Variants in EPSTI1 observed in about 807,000 individuals in gnomAD.
EPSTI1 encodes epithelial stromal interaction 1, also known as epithelial-stromal interaction protein 1.
In EPSTI1, 66 loss-of-function variants were observed where a neutral mutation model predicts 49.9. The observed-to-expected ratio is 1.32, with a 90% CI of 1.08 to 1.62. EPSTI1 has a LOEUF of 1.62. Among genes scored for constraint, EPSTI1 ranks in the 40% most tolerant of loss-of-function variants. The probability of loss-of-function intolerance (pLI) is 0.00; values close to 1 mark genes in which losing one functional copy is unlikely to be tolerated. For missense variants in EPSTI1, 394 were observed against 365.5 expected, an observed-to-expected ratio of 1.08 and a Z score of -0.64; for synonymous variants, 137 against 130.7, an observed-to-expected ratio of 1.05 and a Z score of -0.33.
chr13:42,957,852 G>A (rs2039320344), intron 5 of EPSTI1, among the ~76,000 whole-genome samples: 1 of 152,244 alleles, frequency 6.6e-6, no homozygotes, highest in African/African-American at 2.4e-5. Context: ...GGGATTGCAG[G>A]CATGAGCCAC....
rs1290133717 is a variant in EPSTI1, at chr13:42,888,202, A to C, written c.*292T>G. 1.9e-6 allele frequency: 3 copies of C among 1,597,642 alleles called. No individual in the cohort carries two copies. The highest frequency in any genetic ancestry group is 2.2e-5 in the East Asian group (1 of 44,672). ...CTGATTAACCTGAAAGCATCAAGTG[A>C]CTCCCTCTTTTTCTACCCTACCAAC... On this transcript the variant is annotated 3_prime_UTR_variant, in exon 11 of 11. Transcript: ENST00000313624.
intron 5 of EPSTI1, among the ~76,000 whole-genome samples, chr13:42,962,237 C>T (rs1413743562): frequency 6.6e-6 from 1 of 152,108 alleles, no homozygotes; most frequent in African/African-American, 2.4e-5. Flanking sequence ...CAGGAATTAC[C>T]TGGGGAGCTT....
Position 42,917,691 on chromosome 13 carries a change from C to T in EPSTI1, c.658-67G>A. On this transcript the variant is annotated intron_variant, in intron 7 of 10. Transcript: ENST00000313624. ...GATAGGATAAAGGGTTGTCACAGTA[C>T]ACCAAGCTGCCTACTATAGGCCCGG... 2.5e-6 allele frequency: 3 copies of T among 1,199,138 alleles called. No individual in the cohort carries two copies. In the East Asian group the frequency reaches 8.0e-5, roughly 32 times the overall value. The allele number at this position is 1,199,138 out of a possible 1,614,324, so 74.3% of individuals were successfully genotyped here. A position where few individuals can be genotyped will look rare whatever the true frequency, so the allele number is the denominator to read the frequency against.
At chr13:42,981,678 T>C (rs2039989808) in intron 1 of EPSTI1, among the ~76,000 whole-genome samples, 1 of 152,202 alleles carries the variant, frequency 6.6e-6, no homozygotes, top group Non-Finnish European at 1.5e-5. Context: ...GTTTTTTTCT[T>C]TTCATCCACT....
chr13:42,990,132 G>A (rs1351455684), intron 1 of EPSTI1, among the ~76,000 whole-genome samples: 1 of 147,374 alleles, frequency 6.8e-6, no homozygotes, highest in East Asian at 2.0e-4. Context: ...ACCCCTAAAA[G>A]GGAATATATA....
intron 7 of EPSTI1, among the ~76,000 whole-genome samples, chr13:42,923,151 T>C (rs376319617): frequency 2.6e-5 from 4 of 152,220 alleles, no homozygotes; most frequent in African/African-American, 9.6e-5. Context: ...AAGGACTTTG[T>C]GCCTAAGCTA....
chr13:42,905,863 C>A (rs2037483053), intron 8 of EPSTI1, among the ~76,000 whole-genome samples: 1 of 152,164 alleles, frequency 6.6e-6, no homozygotes, highest in African/African-American at 2.4e-5. Context: ...GGAATGCAAA[C>A]AGGAGAAGGG....
intron 1 of EPSTI1, among the ~76,000 whole-genome samples, chr13:42,972,999 G>C (rs891567946): frequency 6.6e-6 from 1 of 152,162 alleles, no homozygotes; most frequent in African/African-American, 2.4e-5. Flanking sequence ...CACGAAATAA[G>C]AATAGTAAGT....
At chr13:42,911,026 A>G (rs2037656263) in intron 8 of EPSTI1, among the ~76,000 whole-genome samples, 1 of 152,230 alleles carries the variant, frequency 6.6e-6, no homozygotes. Context: ...AAAGAGCCAA[A>G]TATTCTTGTC....
intron 6 of EPSTI1, among the ~76,000 whole-genome samples, chr13:42,940,360 A>G (rs1189981390): frequency 6.6e-6 from 1 of 152,200 alleles, no homozygotes; most frequent in Non-Finnish European, 1.5e-5. Context: ...TTGCCTTCCT[A>G]GTACCATTAT....
In EPSTI1 at chr13:42,991,986, G is replaced by A; in HGVS notation, c.180C>T (p.Gly60=). The A allele has an allele frequency of 1.2e-6, 2 of 1,611,968 alleles. No homozygotes were observed. Among genetic ancestry groups the A allele is most frequent in the Non-Finnish European group, 1.7e-6 (2 of 1,179,594 alleles). ...GTTGTTAAAATACTCACCGCCTCTG[G>A]CCCGCGTGCACGACGCTCTCCCGCG... is the stretch of plus-strand genomic sequence containing the variant. ...GPSRESVVHA[G]QRRTSAYTLI... Residue 60 remains glycine, a synonymous_variant, in exon 1 of 11, where the codon GGC becomes GGT. Coordinates refer to ENST00000313624, the MANE Select transcript of EPSTI1 (RefSeq NM_033255.5).
chr13:42,939,553 G>T (rs943151672), intron 6 of EPSTI1, among the ~76,000 whole-genome samples: 5 of 152,210 alleles, frequency 3.3e-5, no homozygotes, highest in Non-Finnish European at 7.3e-5. Flanking sequence ...GAGATAGACA[G>T]GGGAATAGCC....
intron 6 of EPSTI1, among the ~76,000 whole-genome samples, chr13:42,944,219 C>T (rs779008368): frequency 3.9e-5 from 6 of 152,102 alleles, no homozygotes; most frequent in African/African-American, 1.4e-4. Context: ...CACATGCACA[C>T]GTATATTTAT....
intron 7 of EPSTI1, among the ~76,000 whole-genome samples, chr13:42,920,391 G>C (rs1454178604): frequency 6.6e-6 from 1 of 152,126 alleles, no homozygotes; most frequent in Admixed American, 6.5e-5. Context: ...TGAAGACCAA[G>C]TAGATAAAGA....
rs933732758 is a variant in EPSTI1, at chr13:42,916,242, G to A, written c.741+1299C>T. ...TATTTGATTGTAGATTTCAAGATTAGGATCTTGCCAAGACAAAAAGATATT... is the reference window on the plus strand; with the variant it reads ...TATTTGATTGTAGATTTCAAGATTAAGATCTTGCCAAGACAAAAAGATATT... On this transcript the variant is annotated intron_variant, in intron 8 of 10. Coordinates refer to ENST00000313624, the MANE Select transcript of EPSTI1 (RefSeq NM_033255.5). Among the ~76,000 whole-genome samples, 3 of 148,522 alleles carry A rather than the reference G, an allele frequency of 2.0e-5. No individual in the cohort carries two copies. In the South Asian group the frequency reaches 6.5e-4, roughly 32 times the overall value.
intron 9 of EPSTI1, among the ~76,000 whole-genome samples, chr13:42,895,811 C>T (rs527375390): frequency 2.0e-5 from 3 of 152,292 alleles, no homozygotes; most frequent in East Asian, 1.9e-4. Flanking sequence ...AATGGCACTG[C>T]AATAGGTACC....
At chr13:42,968,688 A>C (rs1594747499) in intron 3 of EPSTI1, among the ~76,000 whole-genome samples, 1 of 151,182 alleles carries the variant, frequency 6.6e-6, no homozygotes, top group East Asian at 2.0e-4. Flanking sequence ...CTGACTCTCC[A>C]CTCCTTTTCT....
intron 6 of EPSTI1, among the ~76,000 whole-genome samples, chr13:42,944,573 A>G (rs1012213542): frequency 6.6e-6 from 1 of 152,184 alleles, no homozygotes; most frequent in Non-Finnish European, 1.5e-5. Context: ...AATGTAGATG[A>G]TGAATTGATG....
At chr13:42,905,757 T>C (rs7339053) in intron 8 of EPSTI1, among the ~76,000 whole-genome samples, 21,381 of 152,084 alleles carry the variant, frequency 0.14, 1,838 homozygotes, top group East Asian at 0.4. Context: ...CACAGTATAA[T>C]GAGGCAGACA....
Sources: gnomAD v4.1 joint callset for allele counts (sites outside exome capture counted in the v4.1 genomes callset) on GRCh38, gnomAD v4.1.1 for gene constraint, MANE v1.5 for transcripts, NCBI Gene and HGNC (gene_info 2026-07-23, HGNC 2026-07-21) for gene names.